Variants in MSRB3 observed in about 807,000 individuals in gnomAD.
MSRB3 encodes the protein methionine sulfoxide reductase B3.
Under a neutral mutation model 21.0 loss-of-function variants are expected in MSRB3, and 13 were observed. That is an observed-to-expected ratio of 0.62 (90% CI 0.40 to 0.98). The LOEUF (loss-of-function observed/expected upper bound fraction) is 0.98. Among genes scored for constraint, MSRB3 ranks in the 50% least tolerant of loss-of-function variants. The probability of loss-of-function intolerance (pLI) is 0.00; values close to 1 mark genes in which losing one functional copy is unlikely to be tolerated. For synonymous variants in MSRB3, 87 were observed against 88.6 expected (o/e 0.98, Z 0.10); for missense variants, 199 against 230.3 (o/e 0.86, Z 0.88).
At chr12:65,399,659 A>C (rs2136599239) in intron 5 of MSRB3, among the ~76,000 whole-genome samples, 3 of 152,280 alleles carry the variant, frequency 2.0e-5, no homozygotes, top group Middle Eastern at 6.8e-3. Flanking sequence ...ATGGTGAGAG[A>C]GGGCATCCTT....
chr12:65,428,516 G>T (rs1390722676), intron 5 of MSRB3, among the ~76,000 whole-genome samples: 2 of 152,038 alleles, frequency 1.3e-5, no homozygotes, highest in African/African-American at 4.8e-5. Context: ...TGCTCTAATG[G>T]ACTGGGCATT....
At chr12:65,282,431 T>C (rs780269139) in intron 1 of MSRB3, among the ~76,000 whole-genome samples, 2 of 152,140 alleles carry the variant, frequency 1.3e-5, no homozygotes, top group South Asian at 2.1e-4. Context: ...AAGGAAAGTA[T>C]AGAAAAGATC....
chr12:65,379,265 C>T (rs1020517178), intron 5 of MSRB3, among the ~76,000 whole-genome samples: 10 of 152,108 alleles, frequency 6.6e-5, no homozygotes, highest in African/African-American at 2.2e-4. Flanking sequence ...GATAGCCTTG[C>T]TGTTGGACCT....
At chr12:65,452,816 G>A (rs959062398) in intron 5 of MSRB3, among the ~76,000 whole-genome samples, 1 of 152,078 alleles carries the variant, frequency 6.6e-6, no homozygotes. Context: ...AAGTAAATGT[G>A]ACTTGTGAAA....
chr12:65,332,980 A>G (rs1044771526), intron 4 of MSRB3, among the ~76,000 whole-genome samples: 2 of 152,212 alleles, frequency 1.3e-5, no homozygotes, highest in African/African-American at 4.8e-5. Context: ...TTTCTCATAT[A>G]GTACTACTGA....
intron 1 of MSRB3, chr12:65,306,951 C>T (rs1181100749): frequency 6.1e-6 from 6 of 985,672 alleles, no homozygotes; most frequent in Non-Finnish European, 7.2e-6. Context: ...CTGCCTGGTA[C>T]AGGAGTTGAT....
At chr12:65,348,136 A>G (rs993957432) in intron 4 of MSRB3, among the ~76,000 whole-genome samples, 1 of 152,026 alleles carries the variant, frequency 6.6e-6, no homozygotes, top group African/African-American at 2.4e-5. Context: ...TTTTCTGTTG[A>G]TTGGAATAGT....
At chr12:65,345,551 A>G (rs554749747) in intron 4 of MSRB3, among the ~76,000 whole-genome samples, 6 of 152,188 alleles carry the variant, frequency 3.9e-5, no homozygotes, top group Admixed American at 1.3e-4. Flanking sequence ...TAACACACGT[A>G]GGAAATGCTA....
intron 5 of MSRB3, among the ~76,000 whole-genome samples, chr12:65,428,815 C>T: frequency 6.6e-6 from 1 of 152,128 alleles, no homozygotes; most frequent in East Asian, 1.9e-4. Context: ...TAAACTAATT[C>T]CCCAGAATGC....
At chr12:65,344,890 C>G (rs1876389174) in intron 4 of MSRB3, among the ~76,000 whole-genome samples, 1 of 151,974 alleles carries the variant, frequency 6.6e-6, no homozygotes, top group Non-Finnish European at 1.5e-5. Flanking sequence ...CCAAGTCTCT[C>G]CTCAAAGTTC....
chr12:65,376,490 CT>C (rs1466377826), intron 5 of MSRB3, among the ~76,000 whole-genome samples: 2 of 152,188 alleles, frequency 1.3e-5, no homozygotes, highest in Non-Finnish European at 2.9e-5. Flanking sequence ...AGCCAATTTA[CT>C]TGGGACATGC....
rs552911949 is a variant in MSRB3, at chr12:65,419,498, G to A, written c.293-34230G>A. On this transcript the variant is annotated intron_variant, in intron 5 of 6. Transcript: ENST00000308259. ...TAGATGTCGCTCTCCACAGACTGGC[G>A]CATGGCCAGCTCTGTGTCATACTTG... 6.0e-5 allele frequency: 44 copies of A among 739,192 alleles called. 1 individual carries two copies. Among genetic ancestry groups the A allele is most frequent in the Admixed American group, 1.6e-4 (9 of 57,516 alleles). 45.8% of individuals were successfully genotyped at this position (739,192 alleles called of 1,614,324 possible). A position where few individuals can be genotyped will look rare whatever the true frequency, so the allele number is the denominator to read the frequency against.
intron 5 of MSRB3, among the ~76,000 whole-genome samples, chr12:65,378,337 G>A (rs1003474375): frequency 6.6e-6 from 1 of 152,146 alleles, no homozygotes; most frequent in Non-Finnish European, 1.5e-5. Flanking sequence ...CAATAATGCA[G>A]TATAATAGGT....
chr12:65,401,241 G>C (rs1880107352), intron 5 of MSRB3, among the ~76,000 whole-genome samples: 1 of 152,162 alleles, frequency 6.6e-6, no homozygotes, highest in South Asian at 2.1e-4. Context: ...TTGTATGGGA[G>C]TCTAAATCTC....
At chr12:65,427,925 A>G (rs535392113) in intron 5 of MSRB3, among the ~76,000 whole-genome samples, 6 of 152,292 alleles carry the variant, frequency 3.9e-5, no homozygotes, top group Admixed American at 6.5e-5. Context: ...GAAATGCTCC[A>G]GTGTCTGAAA....
chr12:65,293,022 A>G (rs759819287), intron 1 of MSRB3, among the ~76,000 whole-genome samples: 15 of 152,168 alleles, frequency 9.9e-5, no homozygotes, highest in Non-Finnish European at 1.8e-4. Flanking sequence ...ATTTGCCTCT[A>G]TATTATCTCC....
intron 5 of MSRB3, among the ~76,000 whole-genome samples, chr12:65,440,557 C>T (rs1042658146): frequency 1.3e-5 from 2 of 151,738 alleles, no homozygotes; most frequent in African/African-American, 4.8e-5. Context: ...ATTTTTTAAA[C>T]ACTAAAAGGA....
In MSRB3 at chr12:65,308,676, A is replaced by T. The variant is rs199868447; in HGVS notation, c.76+21A>T. The T allele has an allele frequency of 1.1e-4, 174 of 1,613,754 alleles. 1 individual carries two copies. In the East Asian group the frequency reaches 3.9e-3, roughly 36 times the overall value. ...CTCAGGTTGCTGCTTGTTGTACTGT[A>T]CATAGTGAAGGCACAGGGCCAACTG... On this transcript the variant is annotated intron_variant, in intron 2 of 6. Coordinates refer to ENST00000308259, the MANE Select transcript of MSRB3 (RefSeq NM_001031679.3).
At chr12:65,355,581 T>G (rs1018710868) in intron 4 of MSRB3, among the ~76,000 whole-genome samples, 1 of 151,956 alleles carries the variant, frequency 6.6e-6, no homozygotes, top group Admixed American at 6.6e-5. Context: ...TTGCAATTTT[T>G]TTTATTCTAA....
Sources: allele counts gnomAD v4.1 joint callset (sites outside exome capture counted in the v4.1 genomes callset), GRCh38; gene constraint gnomAD v4.1.1; transcripts MANE v1.5; gene names NCBI Gene and HGNC (gene_info 2026-07-23, HGNC 2026-07-21).